Variants in CTNND2 observed in about 807,000 individuals in gnomAD.
The protein encoded by CTNND2 is catenin delta-2.
In CTNND2, 22 loss-of-function variants were observed where a neutral mutation model predicts 144.4. The ratio of observed to expected loss-of-function variants is 0.15; its 90% CI spans 0.11 to 0.22. The LOEUF is 0.22. Ranked by LOEUF, CTNND2 falls within the 10% of genes least tolerant of loss-of-function variation. The pLI, the probability that CTNND2 is intolerant of heterozygous loss-of-function variation, is 1.00. For missense variants in CTNND2, 1,353 were observed against 1,618.8 expected (o/e 0.84, Z 2.82); for synonymous variants, 751 against 695.6 (o/e 1.08, Z -1.25).
At chr5:11,833,136 G>A (rs913126715) in intron 1 of CTNND2, among the ~76,000 whole-genome samples, 5 of 152,056 alleles carry the variant, frequency 3.3e-5, no homozygotes, top group African/African-American at 1.2e-4. Context: ...CCATTCCTAG[G>A]CATTTACGTG....
intron 2 of CTNND2, among the ~76,000 whole-genome samples, chr5:11,713,505 G>C (rs536738938): frequency 2.9e-4 from 44 of 149,816 alleles, no homozygotes; most frequent in African/African-American, 1.1e-3. Flanking sequence ...CTTGAGCCCA[G>C]GAGGCAGAGG....
intron 15 of CTNND2, chr5:11,083,790 G>T: frequency 1.6e-6 from 1 of 620,046 alleles, no homozygotes; most frequent in Non-Finnish European, 2.1e-6. Flanking sequence ...GGGTCCTCCT[G>T]GGGACCAGTC....
intron 11 of CTNND2, among the ~76,000 whole-genome samples, chr5:11,181,673 G>A (rs1361478587): frequency 1.3e-5 from 2 of 151,554 alleles, no homozygotes; most frequent in African/African-American, 4.9e-5. Flanking sequence ...GTGTGTGTCT[G>A]TGTGTGTGTC....
intron 9 of CTNND2, among the ~76,000 whole-genome samples, chr5:11,312,878 C>A (rs1157926514): frequency 6.6e-6 from 1 of 152,182 alleles, no homozygotes; most frequent in Non-Finnish European, 1.5e-5. Context: ...TTTTACCCTT[C>A]CAGAATACTT....
At chr5:11,665,759 AAG>A (rs1783536117) in intron 2 of CTNND2, among the ~76,000 whole-genome samples, 4 of 152,314 alleles carry the variant, frequency 2.6e-5, no homozygotes, top group Admixed American at 2.6e-4. Flanking sequence ...AATCACAGGA[AAG>A]AGAGGCAGTG....
intron 9 of CTNND2, among the ~76,000 whole-genome samples, chr5:11,299,627 C>T (rs778095870): frequency 1.3e-5 from 2 of 152,152 alleles, no homozygotes; most frequent in African/African-American, 2.4e-5. Flanking sequence ...ATCTGTGGGT[C>T]GTCTAAGGTA....
At position 11,147,876 on chromosome 5, in the gene CTNND2, T is replaced by C. The variant is rs118183198; in HGVS notation, c.2159+11700A>G. 2.5e-4 allele frequency among the ~76,000 whole-genome samples: 38 copies of C among 152,268 alleles called. No homozygotes were observed. The East Asian group carries it at 6.0e-3, about 24-fold the overall frequency. On this transcript the variant is annotated intron_variant, in intron 12 of 21. Transcript: ENST00000304623. Reference sequence around the variant, plus strand: ...AGGTATATACCCAAAATAATTGAAATGGGTATGTAAACAAATACAATAGCC... The same window carrying C: ...AGGTATATACCCAAAATAATTGAAACGGGTATGTAAACAAATACAATAGCC...
chr5:11,664,497 C>T (rs1175624277), intron 2 of CTNND2, among the ~76,000 whole-genome samples: 1 of 152,190 alleles, frequency 6.6e-6, no homozygotes, highest in Non-Finnish European at 1.5e-5. Context: ...AGGAGAATCA[C>T]TTGAACCAGG....
At chr5:11,683,545 G>GT (rs1784514623) in intron 2 of CTNND2, among the ~76,000 whole-genome samples, 1 of 152,164 alleles carries the variant, frequency 6.6e-6, no homozygotes, top group Non-Finnish European at 1.5e-5. Flanking sequence ...TGGCAATCCT[G>GT]TAACTGTTGA....
At chr5:11,807,706 G>A (rs1044780302) in intron 1 of CTNND2, among the ~76,000 whole-genome samples, 1 of 152,262 alleles carries the variant, frequency 6.6e-6, no homozygotes, top group Non-Finnish European at 1.5e-5. Flanking sequence ...CTTCCTCTCA[G>A]AAGTTCACCA....
At chr5:11,071,548 T>C (rs1410427619) in intron 16 of CTNND2, among the ~76,000 whole-genome samples, 1 of 147,364 alleles carries the variant, frequency 6.8e-6, no homozygotes. Context: ...AGACCCTGTC[T>C]TCAAAAATTT....
At chr5:11,825,915 A>C (rs1299559875) in intron 1 of CTNND2, among the ~76,000 whole-genome samples, 1 of 152,024 alleles carries the variant, frequency 6.6e-6, no homozygotes, top group Non-Finnish European at 1.5e-5. Context: ...ATCAACAATA[A>C]AAATAAATTA....
chr5:11,605,418 C>A (rs1315090994), intron 2 of CTNND2, among the ~76,000 whole-genome samples: 1 of 152,076 alleles, frequency 6.6e-6, no homozygotes, highest in Non-Finnish European at 1.5e-5. Flanking sequence ...GGTGGTAAGT[C>A]CTATAAAGAA....
intron 1 of CTNND2, among the ~76,000 whole-genome samples, chr5:11,742,480 G>T (rs1788073549): frequency 6.6e-6 from 1 of 151,962 alleles, no homozygotes; most frequent in African/African-American, 2.4e-5. Context: ...GTAGATCAAA[G>T]AAATGTCTTC....
intron 2 of CTNND2, among the ~76,000 whole-genome samples, chr5:11,701,308 T>A (rs1468932972): frequency 6.6e-6 from 1 of 152,192 alleles, no homozygotes; most frequent in Middle Eastern, 3.2e-3. Flanking sequence ...TTCCATCGGA[T>A]GTCACAGATA....
chr5:11,501,202 A>T (rs1459882411), intron 3 of CTNND2, among the ~76,000 whole-genome samples: 1 of 152,258 alleles, frequency 6.6e-6, no homozygotes, highest in Non-Finnish European at 1.5e-5. Context: ...ATAAAAAGGC[A>T]CAGTTGTTGT....
chr5:11,578,745 C>T (rs1321929606), intron 2 of CTNND2, among the ~76,000 whole-genome samples: 1 of 152,022 alleles, frequency 6.6e-6, no homozygotes, highest in Non-Finnish European at 1.5e-5. Context: ...AGTGAACTGG[C>T]AGTCAGAGAG....
At chr5:11,340,395 A>C (rs39930) in intron 9 of CTNND2, among the ~76,000 whole-genome samples, 1 of 152,006 alleles carries the variant, frequency 6.6e-6, no homozygotes, top group Non-Finnish European at 1.5e-5. Context: ...TCTAGAAGAT[A>C]GTAATGCCTT....
chr5:11,334,721 A>G (rs898057413), intron 9 of CTNND2, among the ~76,000 whole-genome samples: 3 of 152,240 alleles, frequency 2.0e-5, no homozygotes, highest in Non-Finnish European at 4.4e-5. Context: ...TAGATAGGGT[A>G]GATGGAGGCC....
Sources: allele counts gnomAD v4.1 joint callset (sites outside exome capture counted in the v4.1 genomes callset), GRCh38; gene constraint gnomAD v4.1.1; transcripts MANE v1.5; gene names NCBI Gene and HGNC (gene_info 2026-07-23, HGNC 2026-07-21).